BCL2L13: variants seen among roughly 807,000 people sequenced by gnomAD.
BCL2L13 encodes the protein BCL2 like 13.
Under a neutral mutation model 25.8 loss-of-function variants are expected in BCL2L13, and 13 were observed. The observed-to-expected ratio is 0.50, with a 90% confidence interval of 0.33 to 0.80. BCL2L13 has a LOEUF of 0.80. Ranked by LOEUF, BCL2L13 falls within the 30% of genes least tolerant of loss-of-function variation. BCL2L13 has a pLI of 0.02. For synonymous variants in BCL2L13, 244 were observed against 230.3 expected, an observed-to-expected ratio of 1.06 and a Z score of -0.54; for missense variants, 504 against 574.9, an observed-to-expected ratio of 0.88 and a Z score of 1.26.
chr22:17,697,073 C>T (rs554081492), intron 5 of BCL2L13, among the ~76,000 whole-genome samples: 1 of 151,906 alleles, frequency 6.6e-6, no homozygotes, highest in East Asian at 1.9e-4. Context: ...AGGTACATAA[C>T]CAAACTTGTT....
chr22:17,635,869 C>G (rs762033962), upstream of BCL2L13, among the ~76,000 whole-genome samples: 7 of 34,982 alleles, frequency 2.0e-4, no homozygotes, highest in Non-Finnish European at 3.8e-4. Flanking sequence ...GCCACCATGC[C>G]CAGCTAATTT....
chr22:17,714,680 C>T (rs558325891), intron 6 of BCL2L13, among the ~76,000 whole-genome samples: 5 of 152,158 alleles, frequency 3.3e-5, no homozygotes, highest in East Asian at 3.9e-4. Flanking sequence ...ATATTTGAAC[C>T]GTTTATGATA....
At chr22:17,717,375 T>C (rs959216164) in intron 6 of BCL2L13, among the ~76,000 whole-genome samples, 8 of 70,158 alleles carry the variant, frequency 1.1e-4, no homozygotes, top group Non-Finnish European at 2.3e-4. Context: ...AGTGAGACTC[T>C]GTCTCAAAAA....
At chr22:17,642,783 G>A (rs955486155) in intron 1 of BCL2L13, among the ~76,000 whole-genome samples, 1 of 151,918 alleles carries the variant, frequency 6.6e-6, no homozygotes, top group Non-Finnish European at 1.5e-5. Context: ...TTTTTGTAGA[G>A]ATGGGGTTTT....
intron 6 of BCL2L13, among the ~76,000 whole-genome samples, chr22:17,707,202 G>T (rs1372339677): frequency 6.6e-6 from 1 of 152,160 alleles, no homozygotes; most frequent in Non-Finnish European, 1.5e-5. Flanking sequence ...TGCTGTATAT[G>T]TGGGTGTGGA....
chr22:17,715,970 T>C (rs1202993224), intron 6 of BCL2L13, among the ~76,000 whole-genome samples: 2 of 152,234 alleles, frequency 1.3e-5, no homozygotes, highest in African/African-American at 4.8e-5. Context: ...AAGCATTTAT[T>C]GAGCATTACT....
intron 1 of BCL2L13, among the ~76,000 whole-genome samples, chr22:17,629,632 A>G (rs2057962296): frequency 6.6e-6 from 1 of 152,180 alleles, no homozygotes; most frequent in Non-Finnish European, 1.5e-5. Flanking sequence ...TAGTAGAATA[A>G]GAGGTCAAAT....
intron 3 of BCL2L13, chr22:17,684,777 G>A (rs2059862706): frequency 5.7e-6 from 2 of 351,234 alleles, no homozygotes; most frequent in Admixed American, 7.5e-5. Context: ...TCTTTGCCCA[G>A]GCTGGAGTGC....
intron 6 of BCL2L13, among the ~76,000 whole-genome samples, chr22:17,724,266 C>T (rs986066362): frequency 6.6e-6 from 1 of 152,106 alleles, no homozygotes; most frequent in Non-Finnish European, 1.5e-5. Flanking sequence ...GAGCGAGACC[C>T]CAACTCTAAA....
chr22:17,680,352 T>C (rs1408314320), intron 2 of BCL2L13, among the ~76,000 whole-genome samples: 1 of 146,142 alleles, frequency 6.8e-6, no homozygotes, highest in African/African-American at 2.5e-5. Flanking sequence ...CTACTAAAAA[T>C]ACAAAAAATT....
At chr22:17,666,620 AACTTAACACAATG>A (rs2059241406) in intron 2 of BCL2L13, among the ~76,000 whole-genome samples, 2 of 151,236 alleles carry the variant, frequency 1.3e-5, no homozygotes, top group South Asian at 4.2e-4. Flanking sequence ...TGGCTTATTT[AACTTAACACAATG>A]ACTTCCAGTT....
intron 4 of BCL2L13, among the ~76,000 whole-genome samples, chr22:17,691,338 A>C (rs1003373362): frequency 2.5e-5 from 3 of 121,560 alleles, no homozygotes; most frequent in Non-Finnish European, 5.3e-5. Context: ...TGAAAGGTGC[A>C]GACTTTTAAA....
chr22:17,644,141 C>A lies in BCL2L13; in HGVS notation c.-51+5255C>A, dbSNP rs182719765. Reference sequence around the variant, plus strand: ...GGCCAGGCTGGTCTCGAACTCCCGACCTTAGGTGATCTGCCCATCTGGTCT... The same window carrying A: ...GGCCAGGCTGGTCTCGAACTCCCGAACTTAGGTGATCTGCCCATCTGGTCT... On this transcript the variant is annotated intron_variant, in intron 1 of 6. Coordinates refer to ENST00000317582, the MANE Select transcript of BCL2L13 (RefSeq NM_015367.4). 1.3e-4 allele frequency among the ~76,000 whole-genome samples: 20 copies of A among 151,028 alleles called. No homozygotes were observed. In the East Asian group the frequency reaches 3.9e-3, roughly 29 times the overall value.
intron 2 of BCL2L13, among the ~76,000 whole-genome samples, chr22:17,672,587 G>T (rs2059448398): frequency 1.3e-5 from 2 of 152,128 alleles, no homozygotes; most frequent in South Asian, 4.1e-4. Flanking sequence ...TAGGTGGAGA[G>T]GATTAATTAA....
At chr22:17,655,520 G>C in intron 1 of BCL2L13, 142 bp from the exon 2 acceptor site, 1 of 442,272 alleles carries the variant, frequency 2.3e-6, no homozygotes, top group Non-Finnish European at 3.7e-6. Context: ...GGTGAGCTGA[G>C]ATTGCGCCAC....
At chr22:17,672,976 C>T (rs190448302) in intron 2 of BCL2L13, among the ~76,000 whole-genome samples, 45 of 152,130 alleles carry the variant, frequency 3.0e-4, no homozygotes, top group African/African-American at 9.6e-4. Flanking sequence ...TGTCACTGTG[C>T]GTCAAAAATT....
chr22:17,709,467 T>C (rs778630733), intron 6 of BCL2L13, among the ~76,000 whole-genome samples: 2 of 146,472 alleles, frequency 1.4e-5, no homozygotes, highest in Non-Finnish European at 3.0e-5. Context: ...TGGTCGTGCA[T>C]GCCTGTAGTC....
In BCL2L13 at chr22:17,727,398, C is replaced by G. The variant is rs1363877035; in HGVS notation, c.1322C>G (p.Ser441Cys). 1 of 1,614,210 alleles carries G rather than the reference C, an allele frequency of 6.2e-7. No individual in the cohort carries two copies. The highest frequency in any genetic ancestry group is 8.5e-7 in the Non-Finnish European group (1 of 1,180,036). Residue 441 changes from serine (S) to cysteine (C), a missense_variant, in exon 7 of 7, where the codon TCT (serine) becomes TGT (cysteine). Transcript: ENST00000317582. ...KKPVPPSEGK[S>C]RLSPAGEMKP... ...CCCGTGCCGCCGTCTGAGGGCAAGT[C>G]TAGACTGTCCCCCGCCGGTGAGATG...
At chr22:17,690,413 G>C (rs2060072563) in intron 4 of BCL2L13, among the ~76,000 whole-genome samples, 2 of 152,152 alleles carry the variant, frequency 1.3e-5, no homozygotes, top group South Asian at 4.1e-4. Context: ...GGTTTTAGGA[G>C]AATTTGATTT....
Sources: allele counts gnomAD v4.1 joint callset (sites outside exome capture counted in the v4.1 genomes callset), GRCh38; gene constraint gnomAD v4.1.1; transcripts MANE v1.5; gene names NCBI Gene and HGNC (gene_info 2026-07-23, HGNC 2026-07-21).